Variants in ALG12 observed in about 807,000 individuals in gnomAD.
ALG12 encodes dol-P-Man:Man(7)GlcNAc(2)-PP-Dol alpha-1,6-mannosyltransferase.
Under a neutral mutation model 46.0 loss-of-function variants are expected in ALG12, and 36 were observed. The ratio of observed to expected loss-of-function variants is 0.78; its 90% CI spans 0.60 to 1.03. The LOEUF is 1.03. Ranked by LOEUF, ALG12 falls within the 50% of genes least tolerant of loss-of-function variation. The pLI, the probability that ALG12 is intolerant of heterozygous loss-of-function variation, is 0.00. For missense variants in ALG12, 599 were observed against 633.5 expected (o/e 0.95, Z 0.58); for synonymous variants, 326 against 291.6 (o/e 1.12, Z -1.20).
chr22:49,896,778 G>A (rs2060484879), downstream of ALG12, among the ~76,000 whole-genome samples: 1 of 152,076 alleles, frequency 6.6e-6, no homozygotes, highest in African/African-American at 2.4e-5. Flanking sequence ...TGGGATTACA[G>A]GTGCCTGCCA....
the ALG12 span, among the ~76,000 whole-genome samples, chr22:49,871,864 C>A: frequency 6.6e-6 from 1 of 151,568 alleles, no homozygotes; most frequent in Non-Finnish European, 1.5e-5. Flanking sequence ...AAGCGATTCT[C>A]CTGCCTCAGT....
Position 49,906,902 on chromosome 22 carries a change from C to T in ALG12, c.992+819G>A, listed in dbSNP as rs903312145. Among the ~76,000 whole-genome samples, 1 of 152,130 alleles carries T rather than the reference C, an allele frequency of 6.6e-6. No individual in the cohort carries two copies. The highest frequency in any genetic ancestry group is 2.4e-5 in the African/African-American group (1 of 41,418). On this transcript the variant is annotated intron_variant, in intron 7 of 9. Transcript: ENST00000330817. The surrounding 1 kb of genome is among the most constrained non-coding windows in gnomAD (Gnocchi z 4.4). The stretch of plus-strand genomic sequence containing the variant: ...CGGCAGTGATGGACTCTCCTGGCTC[C>T]CTGAGGCTTGCAACACTGAGTGGCA...
chr22:49,867,380 C>T, the ALG12 span, among the ~76,000 whole-genome samples: 3 of 152,144 alleles, frequency 2.0e-5, no homozygotes, highest in African/African-American at 7.2e-5. Context: ...GTGGGAGCGG[C>T]GGTTGGGGAG....
rs931786483 is a variant in ALG12, at chr22:49,910,475, T to C, written c.428A>G (p.Tyr143Cys). The C allele has an allele frequency of 2.5e-6, 4 of 1,613,606 alleles. No homozygotes were observed. Among genetic ancestry groups the C allele is most frequent in the East Asian group, 2.2e-5 (1 of 44,890 alleles). ...VTAMQFHLMF[Y>C]CTRTLPNVLA... ...CACATTGGGCAGTGTCCGCGTGCAG[T>C]AGAACATCAGGTGGAACTGCATGGC... The change falls in exon 4 of 10, where the codon TAC (tyrosine) becomes TGC (cysteine). Residue 143 changes from tyrosine (Y) to cysteine (C), a missense_variant. Tyr to Cys is a radical substitution (Grantham distance 194). Coordinates refer to ENST00000330817, the MANE Select transcript of ALG12 (RefSeq NM_024105.4).
At position 49,904,542 on chromosome 22, in the gene ALG12, G is replaced by A. The variant is rs747656211; in HGVS notation, c.993-36C>T. 117 of 1,610,646 alleles carry A rather than the reference G, an allele frequency of 7.3e-5. No homozygotes were observed. In the South Asian group the frequency reaches 1.1e-3, roughly 15 times the overall value. On this transcript the variant is annotated intron_variant, in intron 7 of 9. Coordinates refer to ENST00000330817, the MANE Select transcript of ALG12 (RefSeq NM_024105.4). ...AATGGTTACACATCATAGGCAGAAC[G>A]TAATGACAATAAAATTAATCTACCT...
chr22:49,885,511 T>C, the ALG12 span: 2 of 1,610,144 alleles, frequency 1.2e-6, no homozygotes, highest in Non-Finnish European at 1.7e-6. Flanking sequence ...AACTGAGGTC[T>C]CGGAGACGGC....
chr22:49,887,293 CAG>C, the ALG12 span: 1 of 1,131,084 alleles, frequency 8.8e-7, no homozygotes, highest in Non-Finnish European at 1.3e-6. Flanking sequence ...CAGGCACTCT[CAG>C]GGCCGCTCTC....
the ALG12 span, among the ~76,000 whole-genome samples, chr22:49,865,954 C>G: frequency 6.6e-6 from 1 of 151,864 alleles, no homozygotes; most frequent in African/African-American, 2.4e-5. Flanking sequence ...TCAAGCAGCC[C>G]TCCCGCCTCC....
intron 1 of ALG12, among the ~76,000 whole-genome samples, chr22:49,917,117 G>C (rs2060615140): frequency 6.6e-6 from 1 of 152,234 alleles, no homozygotes. Context: ...ACACCAGCAA[G>C]CACGAAAACC....
At position 49,909,227 on chromosome 22, in the gene ALG12, C is replaced by T. The variant is rs145358718; in HGVS notation, c.768+17G>A. 0.011 allele frequency: 17,357 copies of T among 1,612,748 alleles called. 113 individuals carry two copies. The highest frequency in any genetic ancestry group is 0.013 in the Non-Finnish European group (15,748 of 1,178,742). On this transcript the variant is annotated intron_variant, in intron 6 of 9. Coordinates refer to ENST00000330817, the MANE Select transcript of ALG12 (RefSeq NM_024105.4). ...AGGTCCCACCCATCGCCCTCCTGCA[C>T]GGACACTGAAGGATACCCCCCAGTT... is the stretch of plus-strand genomic sequence containing the variant.
the ALG12 span, among the ~76,000 whole-genome samples, chr22:49,880,351 G>A: frequency 6.6e-6 from 1 of 152,208 alleles, no homozygotes; most frequent in Non-Finnish European, 1.5e-5. Context: ...TCAGTATTCA[G>A]CCAAAGACAC....
the ALG12 span, chr22:49,887,473 A>T: frequency 3.5e-6 from 1 of 283,496 alleles, no homozygotes. Context: ...TTGGGTTAGT[A>T]ATTTGTTTTA....
chr22:49,904,541 C>T (rs754886909), intron 7 of ALG12, 35 bp from the exon 8 acceptor site: 22 of 1,611,532 alleles, frequency 1.4e-5, no homozygotes, highest in South Asian at 8.8e-5. Flanking sequence ...ATAGGCAGAA[C>T]GTAATGACAA....
At chr22:49,897,948 C>G (rs1201290131), downstream of ALG12, among the ~76,000 whole-genome samples, 2 of 151,954 alleles carry the variant, frequency 1.3e-5, no homozygotes, top group Non-Finnish European at 2.9e-5. Context: ...CGTGAGCCAC[C>G]ACGTCCGGCC....
rs2060594108 is a variant in ALG12, at chr22:49,913,675, T to C, written c.91A>G (p.Thr31Ala). ...AGGTTGAAGCTCTCCTCCACTTTGG[T>C]GTAGGGACAGATGACCAGGTGGACA... ...ATVHLVICPY[T>A]KVEESFNLQA... The change falls in exon 2 of 10, where the codon ACC becomes GCC. Residue 31 changes from threonine (T) to alanine (A), a missense_variant. Coordinates refer to ENST00000330817, the MANE Select transcript of ALG12 (RefSeq NM_024105.4). 6.2e-7 allele frequency: 1 copy of C among 1,614,070 alleles called. No individual in the cohort carries two copies. Among genetic ancestry groups the C allele is most frequent in the African/African-American group, 1.3e-5 (1 of 75,028 alleles).
chr22:49,877,767 G>A, the ALG12 span, among the ~76,000 whole-genome samples: 8 of 151,906 alleles, frequency 5.3e-5, no homozygotes, highest in Non-Finnish European at 7.4e-5. Context: ...TCCTGCAGGT[G>A]GCATGGACAC....
chr22:49,891,045 A>G, the ALG12 span, among the ~76,000 whole-genome samples: 1 of 150,980 alleles, frequency 6.6e-6, no homozygotes, highest in Non-Finnish European at 1.5e-5. Context: ...AAAAAAAAAA[A>G]TGTTCTTTGG....
At chr22:49,909,488 C>T in intron 5 of ALG12, 141 bp from the exon 6 acceptor site, 1 of 857,136 alleles carries the variant, frequency 1.2e-6, no homozygotes, top group Non-Finnish European at 1.9e-6. Flanking sequence ...ATTGCTGGAG[C>T]CTAGGAGTTC....
In ALG12 at chr22:49,913,487, G is replaced by A. The variant is rs758635276; in HGVS notation, c.193C>T (p.Pro65Ser). The change falls in exon 3 of 10, where the codon CCC becomes TCC. Residue 65 changes from proline to serine, a missense_variant. Coordinates refer to ENST00000330817, the MANE Select transcript of ALG12 (RefSeq NM_024105.4). ...ACCACTGGCCCGAGGAACGTCCTGGGGACGACTCCGGGGAACTCAAGATGG... is the reference window on the plus strand; with the variant it reads ...ACCACTGGCCCGAGGAACGTCCTGGAGACGACTCCGGGGAACTCAAGATGG... The part of the protein sequence containing the change: ...YDHLEFPGVV[P>S]RTFLGPVVIA... 2 of 1,613,988 alleles carry A rather than the reference G, an allele frequency of 1.2e-6. No homozygotes were observed. Among genetic ancestry groups the A allele is most frequent in the Non-Finnish European group, 1.7e-6 (2 of 1,180,046 alleles).
Sources: gnomAD v4.1 joint callset for allele counts (sites outside exome capture counted in the v4.1 genomes callset) on GRCh38, gnomAD v4.1.1 for gene constraint, Gnocchi (gnomAD v3.1) non-coding constraint, MANE v1.5 for transcripts, NCBI Gene and HGNC (gene_info 2026-07-23, HGNC 2026-07-21) for gene names.